The following RALGAPA2 variants were observed in gnomAD, a reference collection of about 807,000 sequenced individuals.
RALGAPA2 encodes Ral GTPase activating protein catalytic subunit alpha 2.
Under a neutral mutation model 230.4 loss-of-function variants are expected in RALGAPA2, and 139 were observed. That is an observed-to-expected ratio of 0.60 (90% CI 0.53 to 0.69). RALGAPA2 has a LOEUF of 0.69. Among genes scored for constraint, RALGAPA2 ranks in the 30% least tolerant of loss-of-function variants. The pLI, the probability that RALGAPA2 is intolerant of heterozygous loss-of-function variation, is 0.00. For missense variants in RALGAPA2, 2,163 were observed against 2,276.0 expected (o/e 0.95, Z 1.01); for synonymous variants, 847 against 837.8 (o/e 1.01, Z -0.19).
chr20:20,641,614 G>C (rs1311223759), intron 5 of RALGAPA2, among the ~76,000 whole-genome samples: 6 of 151,332 alleles, frequency 4.0e-5, no homozygotes, highest in Admixed American at 4.0e-4. Flanking sequence ...GAATTCAAAA[G>C]CACATGTCCC....
intron 36 of RALGAPA2, among the ~76,000 whole-genome samples, chr20:20,492,355 A>G (rs1403621559): frequency 6.6e-6 from 1 of 152,218 alleles, no homozygotes; most frequent in Non-Finnish European, 1.5e-5. Context: ...GACTCTACCT[A>G]CAATTTTGGA....
intron 31 of RALGAPA2, among the ~76,000 whole-genome samples, chr20:20,513,810 C>A (rs920962042): frequency 6.6e-6 from 1 of 152,224 alleles, no homozygotes; most frequent in Admixed American, 6.5e-5. Flanking sequence ...GGGACTTCCA[C>A]AGCCAGAACT....
At chr20:20,416,550 T>A (rs757705837) in intron 37 of RALGAPA2, among the ~76,000 whole-genome samples, 4 of 152,144 alleles carry the variant, frequency 2.6e-5, no homozygotes, top group Non-Finnish European at 5.9e-5. Context: ...GGAACTAAAC[T>A]CCAAATGAGA....
intron 10 of RALGAPA2, among the ~76,000 whole-genome samples, 176 bp from the exon 11 acceptor site, chr20:20,620,806 G>T (rs1374241427): frequency 6.6e-6 from 1 of 152,104 alleles, no homozygotes; most frequent in African/African-American, 2.4e-5. Context: ...CCAGCAGCAA[G>T]AAAGACATTC....
intron 31 of RALGAPA2, among the ~76,000 whole-genome samples, chr20:20,514,867 T>A (rs958526213): frequency 6.6e-6 from 1 of 151,976 alleles, no homozygotes; most frequent in African/African-American, 2.4e-5. Context: ...CCAAACCCGC[T>A]CTCCTGATCA....
chr20:20,549,537 G>C (rs1180933181), intron 23 of RALGAPA2, among the ~76,000 whole-genome samples: 2 of 152,100 alleles, frequency 1.3e-5, no homozygotes, highest in Non-Finnish European at 2.9e-5. Flanking sequence ...AGGGTAAATG[G>C]GGGGGTTAAA....
chr20:20,611,253 T>C (rs1407896523), intron 14 of RALGAPA2, 62 bp downstream of exon 14: 4 of 1,516,044 alleles, frequency 2.6e-6, no homozygotes, highest in Non-Finnish European at 3.5e-6. Context: ...TGATTAAAAC[T>C]AGTTTGCTAC....
rs2063154802 is a variant in RALGAPA2 at position 20,524,885 on chromosome 20, G to A, written c.3707C>T (p.Thr1236Ile). 1 of 1,608,016 alleles carries A rather than the reference G, an allele frequency of 6.2e-7. No homozygotes were observed. The highest frequency in any genetic ancestry group is 8.5e-7 in the Non-Finnish European group (1 of 1,176,964). The change falls in exon 29 of 40, where the codon ACA becomes ATA. Residue 1236 changes from threonine (T) to isoleucine (I), a missense_variant. By Grantham distance (89) the Thr-to-Ile change is moderately conservative (BLOSUM62 -1). Transcript: ENST00000202677. ...PRKMAEILVATVAFLLPSAEY... is the reference protein window; with the variant it reads ...PRKMAEILVAIVAFLLPSAEY... ...TGCACTTGGTAAAAGAAAAGCAACT[G>A]TGGCCACGAGGATCTGCATAAAAGA...
intron 20 of RALGAPA2, 81 bp from the exon 21 acceptor site, chr20:20,573,149 A>T: frequency 3.3e-6 from 4 of 1,224,632 alleles, no homozygotes; most frequent in Non-Finnish European, 4.3e-6. Context: ...AAATTACCTT[A>T]GGTATTCAAA....
At position 20,589,260 on chromosome 20, in the gene RALGAPA2, T is replaced by C. The variant is rs2065218578; in HGVS notation, c.2439+8A>G. 6.5e-7 allele frequency: 1 copy of C among 1,549,184 alleles called. No individual in the cohort carries two copies. On this transcript the variant is annotated splice_region_variant and intron_variant, in intron 18 of 39. Transcript: ENST00000202677. ...ATGACAAACTGAAATGGCTTGAAAA[T>C]ATCTTACTGTTATTCCTTCATGTTC...
intron 16 of RALGAPA2, among the ~76,000 whole-genome samples, chr20:20,594,442 T>C (rs955237325): frequency 5.3e-5 from 8 of 152,068 alleles, no homozygotes; most frequent in African/African-American, 1.9e-4. Flanking sequence ...TTAATAGTGA[T>C]ATGCAAATAC....
At chr20:20,650,253 AG>A (rs1355631065) in intron 4 of RALGAPA2, among the ~76,000 whole-genome samples, 8 of 152,210 alleles carry the variant, frequency 5.3e-5, no homozygotes, top group Middle Eastern at 3.2e-3. Flanking sequence ...TCCCTTTAAA[AG>A]CAGTTTTAAG....
intron 37 of RALGAPA2, among the ~76,000 whole-genome samples, chr20:20,416,116 AC>A (rs1791143437): frequency 6.6e-6 from 1 of 152,156 alleles, no homozygotes; most frequent in African/African-American, 2.4e-5. Context: ...GGGGACAACA[AC>A]GCCTGTTCTC....
At chr20:20,625,206 T>C (rs2066454881) in intron 10 of RALGAPA2, among the ~76,000 whole-genome samples, 1 of 152,182 alleles carries the variant, frequency 6.6e-6, no homozygotes, top group Admixed American at 6.5e-5. Flanking sequence ...CACCCCCCTG[T>C]CTCTCTACCA....
chr20:20,420,432 G>A (rs992794912), intron 37 of RALGAPA2, among the ~76,000 whole-genome samples: 1 of 152,182 alleles, frequency 6.6e-6, no homozygotes, highest in African/African-American at 2.4e-5. Context: ...CTTATTCTTT[G>A]CATTTTTCAG....
chr20:20,422,563 C>T (rs919138103), intron 37 of RALGAPA2, among the ~76,000 whole-genome samples: 1 of 151,902 alleles, frequency 6.6e-6, no homozygotes, highest in African/African-American at 2.4e-5. Context: ...AGAATGAGAC[C>T]CTGTCTCAAA....
intron 3 of RALGAPA2, 139 bp downstream of exon 3, chr20:20,676,097 G>T (rs2068312761): frequency 3.5e-6 from 2 of 576,012 alleles, no homozygotes; most frequent in Non-Finnish European, 6.1e-6. Context: ...AAAAGTGGGA[G>T]GGTGGGAGGA....
chr20:20,571,071 A>T (rs1399736143), intron 23 of RALGAPA2, among the ~76,000 whole-genome samples: 1 of 152,246 alleles, frequency 6.6e-6, no homozygotes, highest in Non-Finnish European at 1.5e-5. Context: ...AAACATCCTA[A>T]CTACTAAAAC....
intron 37 of RALGAPA2, among the ~76,000 whole-genome samples, chr20:20,430,434 C>G (rs1327120819): frequency 6.6e-6 from 1 of 152,168 alleles, no homozygotes; most frequent in African/African-American, 2.4e-5. Context: ...TGTCCCATGG[C>G]CTGAATGCTT....
Sources: gnomAD v4.1 joint callset for allele counts (sites outside exome capture counted in the v4.1 genomes callset) on GRCh38, gnomAD v4.1.1 for gene constraint, MANE v1.5 for transcripts, NCBI Gene and HGNC (gene_info 2026-07-23, HGNC 2026-07-21) for gene names.